Variants in ASCC2 observed in about 807,000 individuals in gnomAD.
The protein encoded by ASCC2 is activating signal cointegrator 1 complex subunit 2.
A neutral mutation model predicts 93.5 loss-of-function variants in ASCC2; 42 were observed. That is an observed-to-expected ratio of 0.45 (90% CI 0.35 to 0.58). ASCC2 has a LOEUF of 0.58. ASCC2 is among the 20% of genes least tolerant of loss of function. The pLI is 0.00. For missense variants in ASCC2, 859 were observed against 977.6 expected (o/e 0.88, Z 1.62); for synonymous variants, 364 against 384.2 (o/e 0.95, Z 0.62).
In ASCC2 at chr22:29,825,060, T is replaced by C; in HGVS notation, c.411+27A>G. The C allele has an allele frequency of 2.1e-6, 3 of 1,397,324 alleles. No individual in the cohort carries two copies. Among genetic ancestry groups the C allele is most frequent in the Non-Finnish European group, 2.8e-6 (3 of 1,062,456 alleles). 86.6% of individuals were successfully genotyped at this position (1,397,324 alleles called of 1,614,324 possible). Reference sequence around the variant, plus strand: ...CACAGAGGTGTCGAGTATCGGGTGATGACCTGTCATGGGATCAGTGGCTTA... The same window carrying C: ...CACAGAGGTGTCGAGTATCGGGTGACGACCTGTCATGGGATCAGTGGCTTA... On this transcript the variant is annotated intron_variant, in intron 4 of 19. Coordinates refer to ENST00000307790, the MANE Select transcript of ASCC2 (RefSeq NM_032204.5). The surrounding 1 kb of genome is among the most constrained non-coding windows in gnomAD (Gnocchi z 4.9).
At chr22:29,837,240 C>T (rs910730538) in intron 1 of ASCC2, among the ~76,000 whole-genome samples, 2 of 148,892 alleles carry the variant, frequency 1.3e-5, no homozygotes, top group African/African-American at 5.0e-5. Context: ...ACCATCCTGG[C>T]TAGCAAGGTG....
chr22:29,822,716 C>CTTTTTT (rs748997801), intron 4 of ASCC2, among the ~76,000 whole-genome samples: 164 of 93,008 alleles, frequency 1.8e-3, no homozygotes, highest in South Asian at 2.4e-3. Context: ...ATTATCATGT[C>CTTTTTT]TTTTTTTTTT....
chr22:29,833,878 T>C (rs980871607), intron 1 of ASCC2, among the ~76,000 whole-genome samples: 2 of 128,248 alleles, frequency 1.6e-5, no homozygotes, highest in African/African-American at 5.2e-5. Context: ...CTTTTCTTTT[T>C]CTTTTTTTTT....
At chr22:29,824,235 G>T (rs959529794) in intron 4 of ASCC2, among the ~76,000 whole-genome samples, 3 of 138,582 alleles carry the variant, frequency 2.2e-5, no homozygotes, top group African/African-American at 5.4e-5. Context: ...TTTTTAAAAA[G>T]ATCCTATTTT....
At position 29,806,253 on chromosome 22, in the gene ASCC2, C is replaced by T. The variant is rs1420436119; in HGVS notation, c.1123G>A (p.Glu375Lys). Residue 375 changes from glutamate (E) to lysine (K), a missense_variant, in exon 12 of 20, where the codon GAA becomes AAA. By Grantham distance (56) the Glu-to-Lys change is moderately conservative. Coordinates refer to ENST00000307790, the MANE Select transcript of ASCC2 (RefSeq NM_032204.5). ...GCCTGCTGCAGCAAGCTGATGTCTT[C>T]GGCCACGGGGAAGAGTGCATCATAG... The part of the protein sequence containing the change: ...RDYDALFPVA[E>K]DISLLQQASS... The T allele has an allele frequency of 3.1e-6, 5 of 1,614,004 alleles. No individual in the cohort carries two copies. Among genetic ancestry groups the T allele is most frequent in the African/African-American group, 2.7e-5 (2 of 74,874 alleles).
chr22:29,799,879 C>T (rs1203318133), intron 15 of ASCC2, among the ~76,000 whole-genome samples: 1 of 152,168 alleles, frequency 6.6e-6, no homozygotes, highest in Non-Finnish European at 1.5e-5. Context: ...CCTTGACCTC[C>T]TGGGCTTAAG....
In ASCC2 at chr22:29,806,222, G is replaced by A; in HGVS notation, c.1154C>T (p.Ser385Leu). 6.2e-7 allele frequency: 1 copy of A among 1,614,128 alleles called. No individual in the cohort carries two copies. Among genetic ancestry groups the A allele is most frequent in the Non-Finnish European group, 8.5e-7 (1 of 1,179,996 alleles). Residue 385 changes from serine to leucine, a missense_variant, in exon 12 of 20, where the codon TCA becomes TTA. Physicochemically the swap from Ser to Leu is moderately radical, Grantham distance 145. Transcript: ENST00000307790. Reference protein sequence around the residue: ...EDISLLQQASSVLDETRTAYI... With the variant: ...EDISLLQQASLVLDETRTAYI... ...GGCTATGGTAGAAGGATACAAGACT[G>A]ATGAGGCCTGCTGCAGCAAGCTGAT...
Position 29,790,468 on chromosome 22 carries a change from C to A in ASCC2, c.2102+1G>T. The A allele has an allele frequency of 1.9e-6, 3 of 1,614,062 alleles. No homozygotes were observed. Among genetic ancestry groups the A allele is most frequent in the Non-Finnish European group, 2.5e-6 (3 of 1,179,990 alleles). ...CCAGAAGCAGCCCCTTGAATGCTCA[C>A]CCTTTCTTGGCGAGAAAGGCCATGC... On this transcript the variant is annotated splice_donor_variant, in intron 19 of 19. Coordinates refer to ENST00000307790, the MANE Select transcript of ASCC2 (RefSeq NM_032204.5). LOFTEE classifies it high-confidence loss of function.
chr22:29,791,380 AAAG>A (rs566784898), intron 18 of ASCC2, among the ~76,000 whole-genome samples: 237 of 151,778 alleles, frequency 1.6e-3, no homozygotes, highest in Admixed American at 3.5e-3. Context: ...CTGTCTCTAA[AAAG>A]AAGAAGAAGA....
chr22:29,807,274 G>T lies in ASCC2; in HGVS notation c.909-370C>A, dbSNP rs897299560. Reference sequence around the variant, plus strand: ...AAAAAAAAAAAAGGGAAAAGAAAAAGAAAAAGAAAAAAAGGCACAAAGGGA... The same window carrying T: ...AAAAAAAAAAAAGGGAAAAGAAAAATAAAAAGAAAAAAAGGCACAAAGGGA... On this transcript the variant is annotated intron_variant, in intron 9 of 19. Coordinates refer to ENST00000307790, the MANE Select transcript of ASCC2 (RefSeq NM_032204.5). 1.7e-3 allele frequency among the ~76,000 whole-genome samples: 226 copies of T among 131,420 alleles called. 1 individual carries two copies. Among genetic ancestry groups the T allele is most frequent in the Middle Eastern group, 7.9e-3 (2 of 252 alleles). The allele number at this position is 131,420 out of a possible 152,430, so 86.2% of individuals were successfully genotyped here.
At chr22:29,810,060 A>T (rs2060114951) in intron 8 of ASCC2, 1 of 152,468 alleles carries the variant, frequency 6.6e-6, no homozygotes, top group Non-Finnish European at 1.5e-5. Flanking sequence ...TCCAGAGATC[A>T]GCACTCCCAC....
chr22:29,795,960 G>A (rs367636478), intron 15 of ASCC2, among the ~76,000 whole-genome samples: 69 of 152,124 alleles, frequency 4.5e-4, no homozygotes, highest in African/African-American at 1.6e-3. Context: ...GCCAAACAGA[G>A]CTTCCATAAA....
At chr22:29,823,231 G>A (rs1255305627) in intron 4 of ASCC2, among the ~76,000 whole-genome samples, 1 of 151,436 alleles carries the variant, frequency 6.6e-6, no homozygotes. Context: ...TAGAGACAGG[G>A]TTTTGCCATG....
chr22:29,807,969 G>C (rs1445965664), intron 9 of ASCC2, 142 bp downstream of exon 9: 3 of 736,646 alleles, frequency 4.1e-6, no homozygotes, highest in Non-Finnish European at 6.8e-6. Flanking sequence ...TGGCTAGATA[G>C]GGATGCAGAA....
At chr22:29,812,327 G>A (rs2060367039) in intron 8 of ASCC2, among the ~76,000 whole-genome samples, 2 of 152,158 alleles carry the variant, frequency 1.3e-5, no homozygotes, top group African/African-American at 2.4e-5. Context: ...CAGGCAATAC[G>A]CAGGTTGCCA....
In ASCC2 at chr22:29,825,188, C is replaced by T. The variant is rs139731737; in HGVS notation, c.310G>A (p.Glu104Lys). Reference sequence around the variant, plus strand: ...ACCTCAGGGGCTGAGGCCACCCCCTCGTCGAATTTGCGGGGGACATAGCGC... The same window carrying T: ...ACCTCAGGGGCTGAGGCCACCCCCTTGTCGAATTTGCGGGGGACATAGCGC... Reference protein sequence around the residue: ...YLRYVPRKFDEGVASAPEVVD... With the variant: ...YLRYVPRKFDKGVASAPEVVD... The change falls in exon 4 of 20, where the codon GAG (glutamate) becomes AAG (lysine). Residue 104 changes from glutamate to lysine, a missense_variant. Transcript: ENST00000307790. This position sits in a 1 kb window ranked among gnomAD's most constrained non-coding sequence, Gnocchi z 4.9. The T allele has an allele frequency of 2.5e-4, 398 of 1,564,138 alleles. No individual in the cohort carries two copies. In the African/African-American group the frequency reaches 5.0e-3, roughly 20 times the overall value.
rs912358346 is a variant in ASCC2 at position 29,804,701 on chromosome 22, G to A, written c.1290C>T (p.Val430=). The stretch of plus-strand genomic sequence containing the variant: ...GACTGACTGCCTCTGCTGTCACCGT[G>A]ACCCCGTTAGGCTCCCCATTAGGCT... ...IEEPNGEPNG[V]TVTAEAVSQA... Residue 430 remains valine, a synonymous_variant, in exon 13 of 20, where the codon GTC becomes GTT. Transcript: ENST00000307790. The A allele has an allele frequency of 2.5e-6, 4 of 1,613,976 alleles. No individual in the cohort carries two copies. In the African/African-American group the frequency reaches 5.3e-5, roughly 22 times the overall value.
At chr22:29,831,960 C>A (rs766326206) in intron 2 of ASCC2, among the ~76,000 whole-genome samples, 1 of 152,074 alleles carries the variant, frequency 6.6e-6, no homozygotes, top group African/African-American at 2.4e-5. Context: ...CATTTCTAGC[C>A]CGATCCAGGC....
intron 2 of ASCC2, 124 bp downstream of exon 2, chr22:29,832,121 T>C (rs1046126915): frequency 1.3e-6 from 1 of 795,504 alleles, no homozygotes; most frequent in African/African-American, 1.7e-5. Flanking sequence ...GTGTCTCAGC[T>C]ACTGAATCAC....
Sources: allele counts gnomAD v4.1 joint callset (sites outside exome capture counted in the v4.1 genomes callset), GRCh38; gene constraint gnomAD v4.1.1; non-coding constraint Gnocchi (gnomAD v3.1); transcripts MANE v1.5; gene names NCBI Gene and HGNC (gene_info 2026-07-23, HGNC 2026-07-21).